SH3D21: variants seen among roughly 807,000 people sequenced by gnomAD.
The protein encoded by SH3D21 is manchette microtubule inner protein 1.
In SH3D21, 83 loss-of-function variants were observed where a neutral mutation model predicts 82.1. That is an observed-to-expected ratio of 1.01 (90% CI 0.85 to 1.21). The LOEUF (loss-of-function observed/expected upper bound fraction) is 1.21. SH3D21 is among the 50% of genes most tolerant of loss of function. The pLI, the probability that SH3D21 is intolerant of heterozygous loss-of-function variation, is 0.00. For missense variants in SH3D21, 980 were observed against 962.1 expected (o/e 1.02, Z -0.25); for synonymous variants, 383 against 387.8 (o/e 0.99, Z 0.15).
chr1:36,320,105 C>G lies in SH3D21; in HGVS notation c.1442C>G (p.Thr481Ser). Residue 481 changes from threonine (T) to serine (S), a missense_variant, in exon 14 of 16, where the codon ACT (threonine) becomes AGT (serine). Physicochemically the swap from Thr to Ser is moderately conservative, Grantham distance 58 (BLOSUM62 1). Coordinates refer to ENST00000453908, the MANE Select transcript of SH3D21 (RefSeq NM_001162530.2). ...KMAPLGDEAP[T>S]LEKVLTPELS... is the part of the protein sequence containing the mutation. ...GCCCCTCTGGGGGATGAGGCCCCCA[C>G]TCTAGAAAAGGTCTTGACCCCAGAG... 1 of 1,614,066 alleles carries G rather than the reference C, an allele frequency of 6.2e-7. No homozygotes were observed. Among genetic ancestry groups the G allele is most frequent in the Non-Finnish European group, 8.5e-7 (1 of 1,180,030 alleles).
downstream of SH3D21, chr1:36,323,169 C>A: frequency 1.0e-6 from 1 of 988,644 alleles, no homozygotes; most frequent in Non-Finnish European, 1.5e-6. Flanking sequence ...CAGGTTCCAC[C>A]CTGGAGAGAG....
chr1:36,312,256 C>G (rs915519565), intron 10 of SH3D21, among the ~76,000 whole-genome samples: 1 of 152,060 alleles, frequency 6.6e-6, no homozygotes, highest in African/African-American at 2.4e-5. Context: ...ATCTCCTGAC[C>G]TCATGATCCG....
At chr1:36,323,834 C>G (rs1646511953), downstream of SH3D21, 1 of 152,254 alleles carries the variant, frequency 6.6e-6, no homozygotes, top group Non-Finnish European at 1.5e-5. Context: ...AACAGAGAGG[C>G]TGGAGCTCTG....
chr1:36,324,874 A>G (rs1175980270), downstream of SH3D21: 3 of 152,216 alleles, frequency 2.0e-5, no homozygotes, highest in African/African-American at 4.8e-5. Context: ...CTGTGCAGCC[A>G]CTAGTCAACA....
intron 14 of SH3D21, 33 bp downstream of exon 14, chr1:36,320,831 A>G (rs1646443494): frequency 1.9e-6 from 3 of 1,550,004 alleles, no homozygotes; most frequent in African/African-American, 1.4e-5. Flanking sequence ...TGTGGAAGGT[A>G]GGGTTCCCCC....
In SH3D21 at chr1:36,307,480, C is replaced by T. The variant is rs1255436667; in HGVS notation, c.346-37C>T. 6.5e-7 allele frequency: 1 copy of T among 1,546,792 alleles called. No individual in the cohort carries two copies. The highest frequency in any genetic ancestry group is 1.4e-5 in the African/African-American group (1 of 72,914). Reference sequence around the variant, plus strand: ...CAGATTATCCTAGGGACTCTTGGGGCAGAACCAGACGCCTCTGCGTCCTCC... The same window carrying T: ...CAGATTATCCTAGGGACTCTTGGGGTAGAACCAGACGCCTCTGCGTCCTCC... On this transcript the variant is annotated intron_variant, in intron 4 of 15. Coordinates refer to ENST00000453908, the MANE Select transcript of SH3D21 (RefSeq NM_001162530.2). This position sits in a 1 kb window ranked among gnomAD's most constrained non-coding sequence, Gnocchi z 5.4.
rs1333141617 is a variant in SH3D21, at chr1:36,307,505, C to T, written c.346-12C>T. The T allele has an allele frequency of 2.6e-6, 4 of 1,551,198 alleles. No individual in the cohort carries two copies. Among genetic ancestry groups the T allele is most frequent in the South Asian group, 2.4e-5 (2 of 83,990 alleles). ...CAGAACCAGACGCCTCTGCGTCCTC[C>T]CCTCTCCCCAGATTGAGGACGGCTG... On this transcript the variant is annotated splice_polypyrimidine_tract_variant and intron_variant, in intron 4 of 15. Coordinates refer to ENST00000453908, the MANE Select transcript of SH3D21 (RefSeq NM_001162530.2). This position sits in a 1 kb window ranked among gnomAD's most constrained non-coding sequence, Gnocchi z 5.4.
At chr1:36,322,631 C>T, downstream of SH3D21, 2 of 1,544,372 alleles carry the variant, frequency 1.3e-6, no homozygotes, top group South Asian at 1.2e-5. Flanking sequence ...GCGGGCGGGG[C>T]GCCCACGAGA....
downstream of SH3D21, chr1:36,323,762 C>G (rs1479972785): frequency 6.6e-6 from 1 of 152,172 alleles, no homozygotes; most frequent in Admixed American, 6.5e-5. Flanking sequence ...GCCGTCCGTC[C>G]CCCACAGGAA....
chr1:36,310,588 G>A (rs1646218615), intron 10 of SH3D21, among the ~76,000 whole-genome samples: 1 of 151,026 alleles, frequency 6.6e-6, no homozygotes, highest in Admixed American at 6.6e-5. Flanking sequence ...GTATGCCAGC[G>A]TAGGTGAGAG....
At chr1:36,327,327 T>G (rs1646555095), downstream of SH3D21, among the ~76,000 whole-genome samples, 1 of 152,126 alleles carries the variant, frequency 6.6e-6, no homozygotes, top group Non-Finnish European at 1.5e-5. Context: ...TTGCTGGGAG[T>G]GCATGAGCAT....
downstream of SH3D21, among the ~76,000 whole-genome samples, chr1:36,326,508 G>A (rs1646547158): frequency 6.6e-6 from 1 of 152,206 alleles, no homozygotes; most frequent in Non-Finnish European, 1.5e-5. Context: ...GGAATTACAG[G>A]TGTGAGCCAC....
In SH3D21 at chr1:36,319,149, G is replaced by A; in HGVS notation, c.848G>A (p.Gly283Glu). 6.4e-7 allele frequency: 1 copy of A among 1,551,626 alleles called. No individual in the cohort carries two copies. The highest frequency in any genetic ancestry group is 8.7e-7 in the Non-Finnish European group (1 of 1,146,914). ...AAGAAGCTAGCAACAGCCACCACTG[G>A]GCCCAGCAAAGCCAAGTAAGGAGCA... is the stretch of plus-strand genomic sequence containing the variant. The part of the protein sequence containing the change: ...TVKKLATATT[G>E]PSKAKTSRTP... Residue 283 changes from glycine to glutamate, a missense_variant, in exon 11 of 16, where the codon GGG (glycine) becomes GAG (glutamate). Coordinates refer to ENST00000453908, the MANE Select transcript of SH3D21 (RefSeq NM_001162530.2).
chr1:36,319,554 T>C lies in SH3D21; in HGVS notation c.1011+18T>C, dbSNP rs1313100583. The C allele has an allele frequency of 3.9e-6, 6 of 1,551,370 alleles. No individual in the cohort carries two copies. Among genetic ancestry groups the C allele is most frequent in the African/African-American group, 2.7e-5 (2 of 72,952 alleles). On this transcript the variant is annotated intron_variant, in intron 13 of 15. Transcript: ENST00000453908. ...CCAGTCAGGTGAGGGGCGGGAGACATGGGAGAGTGGGGATGCTGGGCAGAG... is the reference window on the plus strand; with the variant it reads ...CCAGTCAGGTGAGGGGCGGGAGACACGGGAGAGTGGGGATGCTGGGCAGAG...
intron 10 of SH3D21, among the ~76,000 whole-genome samples, 152 bp from the exon 11 acceptor site, chr1:36,318,898 AAATAATAATAATAATAATAAT>A (rs58567392): frequency 1.4e-3 from 199 of 140,412 alleles, no homozygotes; most frequent in Admixed American, 2.2e-3. Context: ...ACTCCATCTC[AAATAATAATAATAATAATAAT>A]AATAATAATA....
Position 36,320,412 on chromosome 1 carries a change from A to G in SH3D21, c.1749A>G (p.Glu583=), listed in dbSNP as rs1646428830. Residue 583 remains glutamate (E), a synonymous_variant, in exon 14 of 16, where the codon GAA becomes GAG. Coordinates refer to ENST00000453908, the MANE Select transcript of SH3D21 (RefSeq NM_001162530.2). The stretch of plus-strand genomic sequence containing the variant: ...CCCTTGAGAAGCCCCACCCCCACGA[A>G]GAGGCTACAACCCTTCCAGAGGAGG... ...RPALEKPHPH[E]EATTLPEEAP... is the part of the protein sequence containing the mutation. 3 of 1,613,392 alleles carry G rather than the reference A, an allele frequency of 1.9e-6. No individual in the cohort carries two copies. Among genetic ancestry groups the G allele is most frequent in the Non-Finnish European group, 2.5e-6 (3 of 1,179,828 alleles).
At position 36,309,540 on chromosome 1, in the gene SH3D21, C is replaced by A. The variant is rs773287546; in HGVS notation, c.727-8C>A. On this transcript the variant is annotated splice_polypyrimidine_tract_variant and splice_region_variant and intron_variant, in intron 9 of 15. Transcript: ENST00000453908. Reference sequence around the variant, plus strand: ...AGGATGCTCAACCTTTACTTCTTTTCGGCATAGATCAAGAAGCTGGTCCCA... The same window carrying A: ...AGGATGCTCAACCTTTACTTCTTTTAGGCATAGATCAAGAAGCTGGTCCCA... 6.4e-7 allele frequency: 1 copy of A among 1,551,422 alleles called. No homozygotes were observed. Among genetic ancestry groups the A allele is most frequent in the Non-Finnish European group, 8.7e-7 (1 of 1,146,834 alleles).
chr1:36,322,777 T>A (rs751232112), downstream of SH3D21: 25 of 1,522,982 alleles, frequency 1.6e-5, no homozygotes, highest in South Asian at 3.0e-4. Flanking sequence ...GTGGGGGTTG[T>A]CCCACTTCCG....
downstream of SH3D21, among the ~76,000 whole-genome samples, chr1:36,325,917 C>A (rs1646539014): frequency 6.6e-6 from 1 of 152,200 alleles, no homozygotes; most frequent in Non-Finnish European, 1.5e-5. Flanking sequence ...GGAGCTGACA[C>A]TAAATTGGAG....
Sources: allele counts gnomAD v4.1 joint callset (sites outside exome capture counted in the v4.1 genomes callset), GRCh38; gene constraint gnomAD v4.1.1; non-coding constraint Gnocchi (gnomAD v3.1); transcripts MANE v1.5; gene names NCBI Gene and HGNC (gene_info 2026-07-23, HGNC 2026-07-21).